CIT: variants seen among roughly 807,000 people sequenced by gnomAD.
The protein encoded by CIT is citron rho-interacting serine/threonine kinase, also known as citron Rho-interacting kinase.
In CIT, 79 loss-of-function variants were observed where a neutral mutation model predicts 272.7. That is an observed-to-expected ratio of 0.29 (90% CI 0.24 to 0.35). The LOEUF is 0.35. Among genes scored for constraint, CIT ranks in the 10% least tolerant of loss-of-function variants. CIT has a pLI of 1.00. For synonymous variants in CIT, 948 were observed against 995.6 expected, an observed-to-expected ratio of 0.95 and a Z score of 0.90; for missense variants, 1,909 against 2,618.3, an observed-to-expected ratio of 0.73 and a Z score of 5.91.
chr12:119,724,930 CAAAAAAA>C (rs35757526), intron 28 of CIT, among the ~76,000 whole-genome samples: 2 of 44,528 alleles, frequency 4.5e-5, no homozygotes, highest in Non-Finnish European at 8.6e-5. Context: ...GACTCCATCT[CAAAAAAA>C]AAAAAAAAAA....
chr12:119,862,823 AAAAAAAAAAAAAAAAAAGAAAAAACC>A (rs1950387276), intron 3 of CIT, among the ~76,000 whole-genome samples: 1 of 134,200 alleles, frequency 7.5e-6, no homozygotes, highest in African/African-American at 3.2e-5. Context: ...AAAAAAAAAA[AAAAAAAAAAAAAAAAAAGAAAAAACC>A]AAAAAAAAAA....
intron 3 of CIT, among the ~76,000 whole-genome samples, chr12:119,858,592 G>A (rs1380246721): frequency 2.0e-5 from 3 of 151,948 alleles, no homozygotes; most frequent in Non-Finnish European, 4.4e-5. Context: ...AGGCCGAAGC[G>A]GGTGGATCAC....
chr12:119,814,491 T>C (rs1966958042), intron 9 of CIT, among the ~76,000 whole-genome samples: 1 of 152,172 alleles, frequency 6.6e-6, no homozygotes, highest in Non-Finnish European at 1.5e-5. Flanking sequence ...CCATCCCTCT[T>C]GCTCCCCTTC....
intron 19 of CIT, among the ~76,000 whole-genome samples, chr12:119,761,713 A>AG (rs1961823466): frequency 1.3e-5 from 2 of 152,142 alleles, no homozygotes; most frequent in African/African-American, 4.8e-5. Context: ...TGATCCAACT[A>AG]GGGGGAGAAA....
At position 119,690,163 on chromosome 12, in the gene CIT, G is replaced by T; in HGVS notation, c.6174C>A (p.Ser2058=). The part of the protein sequence containing the change: ...LPAGAVRTPL[S]QVNKVWDQSS... Reference sequence around the variant, plus strand: ...AATGCTGCCTCACCTTGTTCACCTGGGACAGCGGGGTCCTCACGGCTCCCG... The same window carrying T: ...AATGCTGCCTCACCTTGTTCACCTGTGACAGCGGGGTCCTCACGGCTCCCG... Residue 2058 remains serine (S), a synonymous_variant, in exon 47 of 48, where the codon TCC becomes TCA. Coordinates refer to ENST00000392521, the MANE Select transcript of CIT (RefSeq NM_001206999.2). The surrounding 1 kb of genome is among the most constrained non-coding windows in gnomAD (Gnocchi z 6.0). 6.8e-7 allele frequency: 1 copy of T among 1,476,696 alleles called. No individual in the cohort carries two copies. Among genetic ancestry groups the T allele is most frequent in the South Asian group, 1.5e-5 (1 of 67,822 alleles). 91.5% of individuals were successfully genotyped at this position (1,476,696 alleles called of 1,614,324 possible).
intron 9 of CIT, among the ~76,000 whole-genome samples, chr12:119,813,743 G>A (rs1461992569): frequency 6.6e-6 from 1 of 152,154 alleles, no homozygotes; most frequent in Admixed American, 6.5e-5. Flanking sequence ...GCATTGCACT[G>A]CTGGCTTGCA....
At position 119,713,880 on chromosome 12, in the gene CIT, C is replaced by A; in HGVS notation, c.4307-232G>T. 1 of 611,596 alleles carries A rather than the reference C, an allele frequency of 1.6e-6. No individual in the cohort carries two copies. The highest frequency in any genetic ancestry group is 2.0e-5 in the South Asian group (1 of 50,688). The allele number at this position is 611,596 out of a possible 1,614,324, so 37.9% of individuals were successfully genotyped here. ...TCCAGGCTTCAATCCAGACCGCCCA[C>A]AAACAGGTGTGTAAAGAACACGTTT... is the stretch of plus-strand genomic sequence containing the variant. On this transcript the variant is annotated intron_variant, in intron 33 of 47. Transcript: ENST00000392521. The surrounding 1 kb of genome is among the most constrained non-coding windows in gnomAD (Gnocchi z 5.2).
Position 119,857,577 on chromosome 12 carries a change from C to G in CIT, c.360G>C (p.Gly120=). Reference sequence around the variant, plus strand: ...TCATCACTTTCATAGCATAGATGTCCCCGGTTGCTTTCTCTCTTACCACCT... The same window carrying G: ...TCATCACTTTCATAGCATAGATGTCGCCGGTTGCTTTCTCTCTTACCACCT... The part of the protein sequence containing the change: ...EVQVVREKAT[G]DIYAMKVMKK... Residue 120 remains glycine (G), a synonymous_variant, in exon 4 of 48, where the codon GGG becomes GGC. Coordinates refer to ENST00000392521, the MANE Select transcript of CIT (RefSeq NM_001206999.2). 1 of 1,614,146 alleles carries G rather than the reference C, an allele frequency of 6.2e-7. No individual in the cohort carries two copies. The highest frequency in any genetic ancestry group is 2.2e-5 in the East Asian group (1 of 44,888).
At chr12:119,761,428 A>G (rs1241943290) in intron 19 of CIT, among the ~76,000 whole-genome samples, 1 of 152,158 alleles carries the variant, frequency 6.6e-6, no homozygotes, top group Non-Finnish European at 1.5e-5. Flanking sequence ...ATCTGCAGAT[A>G]TTACCTGGGG....
At chr12:119,870,579 C>T (rs1445262655) in intron 2 of CIT, among the ~76,000 whole-genome samples, 1 of 141,264 alleles carries the variant, frequency 7.1e-6, no homozygotes, top group Non-Finnish European at 1.5e-5. Flanking sequence ...AAAAAGGCAG[C>T]TTAGCAGCTT....
At chr12:119,798,981 C>T (rs1004615062) in intron 10 of CIT, among the ~76,000 whole-genome samples, 2 of 152,190 alleles carry the variant, frequency 1.3e-5, no homozygotes, top group African/African-American at 4.8e-5. Flanking sequence ...GGGAAGGTAC[C>T]CATTCTGGGA....
At position 119,734,534 on chromosome 12, in the gene CIT, G is replaced by A. The variant is rs374937525; in HGVS notation, c.3157-177C>T. 2.0e-4 allele frequency: 132 copies of A among 663,170 alleles called. No individual in the cohort carries two copies. The Middle Eastern group carries it at 2.5e-3, about 13-fold the overall frequency. The allele number at this position is 663,170 out of a possible 1,614,324, so 41.1% of individuals were successfully genotyped here. On this transcript the variant is annotated intron_variant, in intron 25 of 47. Coordinates refer to ENST00000392521, the MANE Select transcript of CIT (RefSeq NM_001206999.2). ...CAAGAATGGATGAAGGGCCAGTTCT[G>A]CAGCCACCTTAGAGGCAGGATCCAA...
intron 7 of CIT, among the ~76,000 whole-genome samples, chr12:119,828,625 C>T (rs150902340): frequency 0.013 from 1,961 of 151,762 alleles, 19 homozygotes; most frequent in Non-Finnish European, 0.018. Flanking sequence ...TGCAGTGGCG[C>T]GATCTTGGCT....
At chr12:119,783,261 G>T (rs1030090187) in intron 12 of CIT, 1 of 152,190 alleles carries the variant, frequency 6.6e-6, no homozygotes, top group Non-Finnish European at 1.5e-5. Context: ...AATCAGCCAC[G>T]TTCTATAGAT....
rs188629304 is a variant in CIT at position 119,688,279 on chromosome 12, G to A, written c.6187-24C>T. ...ACCTAGGAGTGAAATAAGGAGGAGTGTTAGCCATCCGAGGCCAGAAGTTGC... is the reference window on the plus strand; with the variant it reads ...ACCTAGGAGTGAAATAAGGAGGAGTATTAGCCATCCGAGGCCAGAAGTTGC... On this transcript the variant is annotated intron_variant, in intron 47 of 47. Transcript: ENST00000392521. The A allele has an allele frequency of 3.5e-4, 514 of 1,468,742 alleles. 3 individuals carry two copies. The African/African-American group carries it at 6.5e-3, about 18-fold the overall frequency. The allele number at this position is 1,468,742 out of a possible 1,614,324, so 91.0% of individuals were successfully genotyped here. A position where few individuals can be genotyped will look rare whatever the true frequency, so the allele number is the denominator to read the frequency against.
chr12:119,823,003 C>T, intron 8 of CIT, 30 bp from the exon 9 acceptor site: 1 of 1,576,760 alleles, frequency 6.3e-7, no homozygotes, highest in Non-Finnish European at 8.6e-7. Flanking sequence ...AGAATTATTT[C>T]CTTAGTAGGG....
In CIT at chr12:119,784,837, G is replaced by A; in HGVS notation, c.1401+123C>T. 1.4e-6 allele frequency: 2 copies of A among 1,458,938 alleles called. No homozygotes were observed. Among genetic ancestry groups the A allele is most frequent in the South Asian group, 1.5e-5 (1 of 67,414 alleles). The allele number at this position is 1,458,938 out of a possible 1,614,324, so 90.4% of individuals were successfully genotyped here. A position where few individuals can be genotyped will look rare whatever the true frequency, so the allele number is the denominator to read the frequency against. On this transcript the variant is annotated intron_variant, in intron 11 of 47. Transcript: ENST00000392521. The surrounding 1 kb of genome is among the most constrained non-coding windows in gnomAD (Gnocchi z 4.7). ...GGAGGCGCGACTTCAGCGAAGGCAGGAGCGCCTCACTCTCTACGGATCAGG... is the reference window on the plus strand; with the variant it reads ...GGAGGCGCGACTTCAGCGAAGGCAGAAGCGCCTCACTCTCTACGGATCAGG...
In CIT at chr12:119,687,515, C is replaced by T. The variant is rs1226117018; in HGVS notation, c.*717G>A. 1 of 152,574 alleles carries T rather than the reference C, an allele frequency of 6.6e-6. No homozygotes were observed. The highest frequency in any genetic ancestry group is 1.9e-4 in the East Asian group (1 of 5,174). The allele number at this position is 152,574 out of a possible 1,614,324, so 9.5% of individuals were successfully genotyped here. On this transcript the variant is annotated 3_prime_UTR_variant, in exon 48 of 48. Transcript: ENST00000392521. The stretch of plus-strand genomic sequence containing the variant: ...CTCCGAGCTGAGGCCCCGATGACCT[C>T]CATACATTCTCAGCTGGTGGGAGGG...
chr12:119,710,359 G>A lies in CIT; in HGVS notation c.4963C>T (p.Leu1655Phe), dbSNP rs1208071307. 1 of 1,614,220 alleles carries A rather than the reference G, an allele frequency of 6.2e-7. No homozygotes were observed. ...TTTTTCAAGACATTCAGGGCGTAGA[G>A]CCCTTCCTCGGTGCCCACCAACACC... ...QVVLVGTEEG[L>F]YALNVLKNSL... The change falls in exon 39 of 48, where the codon CTC becomes TTC. Residue 1655 changes from leucine (L) to phenylalanine (F), a missense_variant. Around this residue, in one of 8 missense-constraint regions of CIT, gnomAD observed 780 missense variants for 1,067.2 expected, o/e 0.73. Coordinates refer to ENST00000392521, the MANE Select transcript of CIT (RefSeq NM_001206999.2). This position sits in a 1 kb window ranked among gnomAD's most constrained non-coding sequence, Gnocchi z 5.6.
Sources: allele counts gnomAD v4.1 joint callset (sites outside exome capture counted in the v4.1 genomes callset), GRCh38; gene constraint gnomAD v4.1.1; regional missense constraint gnomAD v4.1.1; non-coding constraint Gnocchi (gnomAD v3.1); transcripts MANE v1.5; gene names NCBI Gene and HGNC (gene_info 2026-07-23, HGNC 2026-07-21).